Variants in PLXNA2 observed in about 807,000 individuals in gnomAD.
PLXNA2 encodes plexin A2.
PLXNA2 carries 91 observed loss-of-function variants against 193.5 expected under a neutral mutation model. The observed-to-expected ratio is 0.47, with a 90% confidence interval of 0.40 to 0.56. The LOEUF (loss-of-function observed/expected upper bound fraction) is 0.56. Ranked by LOEUF, PLXNA2 falls within the 20% of genes least tolerant of loss-of-function variation. The pLI, the probability that PLXNA2 is intolerant of heterozygous loss-of-function variation, is 0.00. For synonymous variants in PLXNA2, 997 were observed against 1,027.3 expected, an observed-to-expected ratio of 0.97 and a Z score of 0.56; for missense variants, 1,995 against 2,503.2, an observed-to-expected ratio of 0.80 and a Z score of 4.33.
chr1:208,049,025 G>A (rs1665166867), intron 17 of PLXNA2, among the ~76,000 whole-genome samples: 1 of 152,142 alleles, frequency 6.6e-6, no homozygotes, highest in Non-Finnish European at 1.5e-5. Context: ...GACAGCCCTG[G>A]GCCCCAGAGC....
intron 12 of PLXNA2, among the ~76,000 whole-genome samples, chr1:208,077,320 C>T (rs1331321397): frequency 2.0e-5 from 3 of 152,166 alleles, no homozygotes; most frequent in South Asian, 2.1e-4. Flanking sequence ...ATAATTACCT[C>T]GGGGGGTTAA....
chr1:208,236,326 C>T lies in PLXNA2; in HGVS notation c.-81+7317G>A, dbSNP rs987863723. Among the ~76,000 whole-genome samples the T allele has an allele frequency of 6.6e-6, 1 of 152,160 alleles. No individual in the cohort carries two copies. Among genetic ancestry groups the T allele is most frequent in the Admixed American group, 6.5e-5 (1 of 15,278 alleles). On this transcript the variant is annotated intron_variant, in intron 1 of 31. Coordinates refer to ENST00000367033, the MANE Select transcript of PLXNA2 (RefSeq NM_025179.4). The surrounding 1 kb of genome is among the most constrained non-coding windows in gnomAD (Gnocchi z 4.4). Reference sequence around the variant, plus strand: ...GGGGAGGTGGGAGGTCAGAGGCCAACGTAATATTTACCCAGCCTAGCCGAG... The same window carrying T: ...GGGGAGGTGGGAGGTCAGAGGCCAATGTAATATTTACCCAGCCTAGCCGAG...
intron 1 of PLXNA2, among the ~76,000 whole-genome samples, chr1:208,220,281 G>T (rs929686803): frequency 6.6e-6 from 1 of 152,136 alleles, no homozygotes; most frequent in Non-Finnish European, 1.5e-5. Flanking sequence ...GGGATTTGAG[G>T]CAAGTCAAGT....
chr1:208,066,863 T>C (rs940545891), intron 12 of PLXNA2, among the ~76,000 whole-genome samples: 1 of 152,196 alleles, frequency 6.6e-6, no homozygotes, highest in Non-Finnish European at 1.5e-5. Flanking sequence ...TGTGTGTCTT[T>C]GTGTCTTAGT....
At chr1:208,225,785 C>T (rs967599600) in intron 1 of PLXNA2, among the ~76,000 whole-genome samples, 4 of 152,244 alleles carry the variant, frequency 2.6e-5, no homozygotes, top group African/African-American at 9.6e-5. Flanking sequence ...TGACCATCTA[C>T]AAGCTCAGAA....
intron 1 of PLXNA2, among the ~76,000 whole-genome samples, chr1:208,219,330 C>T (rs1284833836): frequency 2.6e-5 from 4 of 152,222 alleles, no homozygotes; most frequent in Non-Finnish European, 5.9e-5. Context: ...GGTCAGAGAG[C>T]AGGGCCTGTT....
chr1:208,039,301 T>G (rs1664778617), intron 24 of PLXNA2, among the ~76,000 whole-genome samples: 1 of 152,200 alleles, frequency 6.6e-6, no homozygotes, highest in East Asian at 1.9e-4. Context: ...TATCAGAGAC[T>G]AGTCATGCAC....
At chr1:208,195,146 T>C (rs1670318635) in intron 3 of PLXNA2, among the ~76,000 whole-genome samples, 1 of 152,080 alleles carries the variant, frequency 6.6e-6, no homozygotes, top group South Asian at 2.1e-4. Context: ...TGCTCCAAGA[T>C]CTAGAAGCAT....
In PLXNA2 at chr1:208,103,236, G is replaced by T. The variant is rs757990971; in HGVS notation, c.1518C>A (p.Val506=). Residue 506 remains valine, a synonymous_variant, in exon 5 of 32, where the codon GTC becomes GTA. Coordinates refer to ENST00000367033, the MANE Select transcript of PLXNA2 (RefSeq NM_025179.4). ...YVMSERQVTR[V]PVESCEQYTT... The stretch of plus-strand genomic sequence containing the variant: ...TATACTGCTCACATGACTCCACGGG[G>T]ACCCTGGTGACCTGGCAGAGAGAGC... The T allele has an allele frequency of 3.1e-6, 5 of 1,613,436 alleles. No homozygotes were observed. The East Asian group carries it at 8.9e-5, about 29-fold the overall frequency.
At chr1:208,065,251 T>C (rs1665752594) in intron 12 of PLXNA2, among the ~76,000 whole-genome samples, 1 of 152,216 alleles carries the variant, frequency 6.6e-6, no homozygotes, top group East Asian at 1.9e-4. Flanking sequence ...GATAGCTCTA[T>C]GCTGCTGGCT....
At chr1:208,133,060 G>A (rs545901123) in intron 4 of PLXNA2, among the ~76,000 whole-genome samples, 1 of 152,208 alleles carries the variant, frequency 6.6e-6, no homozygotes, top group Admixed American at 6.5e-5. Context: ...TGCCCCCTCA[G>A]ACCTCTCATC....
At chr1:208,058,941 C>T (rs1488150930) in intron 13 of PLXNA2, among the ~76,000 whole-genome samples, 1 of 152,172 alleles carries the variant, frequency 6.6e-6, no homozygotes, top group East Asian at 1.9e-4. Context: ...GGTTTCATTC[C>T]AAACCTCATG....
chr1:208,161,868 G>C (rs904161421), intron 3 of PLXNA2, among the ~76,000 whole-genome samples: 1 of 152,116 alleles, frequency 6.6e-6, no homozygotes, highest in Non-Finnish European at 1.5e-5. Flanking sequence ...TATTAATTAC[G>C]CGTCAACTAC....
chr1:208,052,437 T>G lies in PLXNA2; in HGVS notation c.2883A>C (p.Pro961=), dbSNP rs1665295224. 1.9e-6 allele frequency: 3 copies of G among 1,613,990 alleles called. No individual in the cohort carries two copies. The highest frequency in any genetic ancestry group is 1.1e-5 in the South Asian group (1 of 91,080). Reference sequence around the variant, plus strand: ...TGCCTCCTGACTCGGGACCTCGGATTGGGTTGAGTGACAGCACAGAAGGGT... The same window carrying G: ...TGCCTCCTGACTCGGGACCTCGGATGGGGTTGAGTGACAGCACAGAAGGGT... ...FVNPSVLSLN[P]IRGPESGGTM... The change falls in exon 15 of 32, where the codon CCA becomes CCC. Residue 961 remains proline, a synonymous_variant. Transcript: ENST00000367033.
chr1:208,230,680 C>T (rs1310980703), intron 1 of PLXNA2, among the ~76,000 whole-genome samples: 2 of 152,226 alleles, frequency 1.3e-5, no homozygotes, highest in Non-Finnish European at 2.9e-5. Context: ...TCTGAACCAA[C>T]AGCCAGCCTT....
At position 208,042,329 on chromosome 1, in the gene PLXNA2, AG is replaced by A; in HGVS notation, c.4054del (p.Leu1352Ter). 1 of 1,614,174 alleles carries A rather than the reference AG, an allele frequency of 6.2e-7. No homozygotes were observed. Among genetic ancestry groups the A allele is most frequent in the Non-Finnish European group, 8.5e-7 (1 of 1,180,016 alleles). ...GNGQQHVEKA[L>X]KLFAQLINNK... The stretch of plus-strand genomic sequence containing the variant: ...GTTGATGAGCTGGGCAAAGAGCTTC[AG>A]GGCCTTCTCCACGTGCTGCTGCCCG... On this transcript the variant is annotated frameshift_variant, in exon 22 of 32. Coordinates refer to ENST00000367033, the MANE Select transcript of PLXNA2 (RefSeq NM_025179.4). LOFTEE classifies it high-confidence loss of function.
At position 208,052,548 on chromosome 1, in the gene PLXNA2, T is replaced by G. The variant is rs1049356399; in HGVS notation, c.2857-85A>C. On this transcript the variant is annotated intron_variant, in intron 14 of 31. Coordinates refer to ENST00000367033, the MANE Select transcript of PLXNA2 (RefSeq NM_025179.4). ...GGTTAGATCTAAGGATGGGAGAGAT[T>G]GTTTTCATTCTGGGCGTGGTGGTAC... The G allele has an allele frequency of 1.9e-5, 26 of 1,394,976 alleles. No homozygotes were observed. In the African/African-American group the frequency reaches 3.7e-4, roughly 20 times the overall value. 86.4% of individuals were successfully genotyped at this position (1,394,976 alleles called of 1,614,324 possible). A position where few individuals can be genotyped will look rare whatever the true frequency, so the allele number is the denominator to read the frequency against.
chr1:208,060,637 C>A, intron 13 of PLXNA2, 49 bp downstream of exon 13: 1 of 1,551,182 alleles, frequency 6.4e-7, no homozygotes, highest in South Asian at 1.2e-5. Context: ...AGTCTCCAGT[C>A]TCCACTCTGA....
At chr1:208,203,685 T>C (rs1670622368) in intron 3 of PLXNA2, among the ~76,000 whole-genome samples, 1 of 152,124 alleles carries the variant, frequency 6.6e-6, no homozygotes, top group Admixed American at 6.5e-5. Flanking sequence ...CCAATGTCAA[T>C]ATTGGCATTG....
Sources: gnomAD v4.1 joint callset for allele counts (sites outside exome capture counted in the v4.1 genomes callset) on GRCh38, gnomAD v4.1.1 for gene constraint, Gnocchi (gnomAD v3.1) non-coding constraint, MANE v1.5 for transcripts, NCBI Gene and HGNC (gene_info 2026-07-23, HGNC 2026-07-21) for gene names.